SPECC1: variants seen among roughly 807,000 people sequenced by gnomAD.
The protein encoded by SPECC1 is cytospin-B.
In SPECC1, 62 loss-of-function variants were observed where a neutral mutation model predicts 104.1. The ratio of observed to expected loss-of-function variants is 0.60; its 90% CI spans 0.49 to 0.74. The LOEUF is 0.74. SPECC1 is among the 30% of genes least tolerant of loss of function. The pLI is 0.00. For missense variants in SPECC1, 1,306 were observed against 1,310.5 expected (o/e 1.00, Z 0.05); for synonymous variants, 513 against 501.6 (o/e 1.02, Z -0.30).
At chr17:20,291,493 G>A (rs1200630591) in intron 12 of SPECC1, among the ~76,000 whole-genome samples, 1 of 152,166 alleles carries the variant, frequency 6.6e-6, no homozygotes, top group Non-Finnish European at 1.5e-5. Context: ...ATGAGAAAAT[G>A]CACAGTGACA....
Position 20,096,803 on chromosome 17 carries a change from G to A in SPECC1, c.147+5G>A. On this transcript the variant is annotated splice_donor_5th_base_variant and intron_variant, in intron 2 of 14. Transcript: ENST00000395527. Reference sequence around the variant, plus strand: ...TTTGAGTCCCGACTCAGCAGGGTATGGATCAAAATGCACAGGGCCAGGCAG... The same window carrying A: ...TTTGAGTCCCGACTCAGCAGGGTATAGATCAAAATGCACAGGGCCAGGCAG... 6.2e-7 allele frequency: 1 copy of A among 1,611,140 alleles called. No homozygotes were observed. The highest frequency in any genetic ancestry group is 1.1e-5 in the South Asian group (1 of 90,822).
intron 12 of SPECC1, among the ~76,000 whole-genome samples, chr17:20,294,641 GAT>G: frequency 1.6e-5 from 1 of 62,776 alleles, no homozygotes; most frequent in East Asian, 3.0e-3. Flanking sequence ...TGGTGGGGAT[GAT>G]GGTCATGGTT....
chr17:20,229,146 A>C (rs1034613035), intron 5 of SPECC1, among the ~76,000 whole-genome samples: 12 of 152,142 alleles, frequency 7.9e-5, no homozygotes, highest in Non-Finnish European at 1.6e-4. Flanking sequence ...CATACTGTAC[A>C]TGTGTCTTTT....
At chr17:20,313,906 G>C in intron 14 of SPECC1, 70 bp from the exon 15 acceptor site, 2 of 1,444,592 alleles carry the variant, frequency 1.4e-6, no homozygotes, top group Non-Finnish European at 1.9e-6. Context: ...AACCTGGACT[G>C]AAGTCCTTGA....
At chr17:20,019,268 T>A (rs1438938041) in intron 1 of SPECC1, among the ~76,000 whole-genome samples, 1 of 150,442 alleles carries the variant, frequency 6.6e-6, no homozygotes, top group Non-Finnish European at 1.5e-5. Flanking sequence ...TTATTTATTT[T>A]AAAAAGCAGT....
At chr17:20,016,966 T>C (rs759776379) in intron 1 of SPECC1, among the ~76,000 whole-genome samples, 27 of 152,174 alleles carry the variant, frequency 1.8e-4, no homozygotes, top group Non-Finnish European at 3.2e-4. Context: ...TGTGTCTAGC[T>C]CAGGGATTGT....
chr17:20,124,433 G>A (rs931062220), intron 3 of SPECC1, among the ~76,000 whole-genome samples: 1 of 152,138 alleles, frequency 6.6e-6, no homozygotes, highest in Non-Finnish European at 1.5e-5. Context: ...GTTCTGAAGG[G>A]CCCTGAAGAA....
intron 3 of SPECC1, among the ~76,000 whole-genome samples, chr17:20,143,746 G>A (rs1435042617): frequency 6.6e-6 from 1 of 152,244 alleles, no homozygotes; most frequent in South Asian, 2.1e-4. Context: ...CCTTCGTAAC[G>A]ACAAATACCA....
At chr17:20,109,372 T>C (rs1195899504) in intron 2 of SPECC1, among the ~76,000 whole-genome samples, 1 of 152,212 alleles carries the variant, frequency 6.6e-6, no homozygotes, top group East Asian at 1.9e-4. Flanking sequence ...TCTCCAGTCT[T>C]CCGGCACTGT....
intron 7 of SPECC1, among the ~76,000 whole-genome samples, chr17:20,236,674 T>TTA (rs397770045): frequency 6.6e-5 from 10 of 150,822 alleles, no homozygotes; most frequent in East Asian, 2.0e-4. Context: ...TTTTTTTTTT[T>TTA]ATGTCTGAAA....
intron 3 of SPECC1, among the ~76,000 whole-genome samples, chr17:20,179,381 T>TG (rs1415842368): frequency 6.6e-6 from 1 of 152,258 alleles, no homozygotes; most frequent in Non-Finnish European, 1.5e-5. Flanking sequence ...TCATAGTCCT[T>TG]GCTTTGCAGC....
At chr17:20,104,586 T>C (rs2048096368) in intron 2 of SPECC1, among the ~76,000 whole-genome samples, 1 of 151,258 alleles carries the variant, frequency 6.6e-6, no homozygotes, top group South Asian at 2.1e-4. Flanking sequence ...CTACTAAAAA[T>C]ACAAAAATTA....
At chr17:20,185,677 C>T (rs1382963428) in intron 3 of SPECC1, among the ~76,000 whole-genome samples, 3 of 152,164 alleles carry the variant, frequency 2.0e-5, no homozygotes, top group Non-Finnish European at 2.9e-5. Context: ...TAAACAGCAG[C>T]GACTCTGTGA....
chr17:20,136,757 C>T (rs981617813), intron 3 of SPECC1, among the ~76,000 whole-genome samples: 15 of 152,182 alleles, frequency 9.9e-5, no homozygotes, highest in African/African-American at 3.6e-4. Flanking sequence ...GGAAATCATT[C>T]CTATCATTCC....
chr17:20,096,729 T>C lies in SPECC1; in HGVS notation c.78T>C (p.Pro26=). ...GCCCAGACCGGGTGCGGCCTCTGCC[T>C]GCAGCCTCTTCCGGCATGAAGAGTT... is the stretch of plus-strand genomic sequence containing the variant. The part of the protein sequence containing the change: ...GHGPDRVRPL[P]AASSGMKSSK... The change falls in exon 2 of 15, where the codon CCT becomes CCC. Residue 26 remains proline (P), a synonymous_variant. Transcript: ENST00000395527. 1 of 1,614,260 alleles carries C rather than the reference T, an allele frequency of 6.2e-7. No individual in the cohort carries two copies. The highest frequency in any genetic ancestry group is 1.1e-5 in the South Asian group (1 of 91,090).
At chr17:20,253,293 CTCT>C (rs2039700590) in intron 9 of SPECC1, among the ~76,000 whole-genome samples, 1 of 152,166 alleles carries the variant, frequency 6.6e-6, no homozygotes, top group African/African-American at 2.4e-5. Flanking sequence ...AGGAGACTTT[CTCT>C]TCATTATTTG....
intron 1 of SPECC1, among the ~76,000 whole-genome samples, chr17:20,085,841 G>A (rs1454187916): frequency 6.6e-6 from 1 of 152,232 alleles, no homozygotes; most frequent in African/African-American, 2.4e-5. Context: ...CTGTTCAGTG[G>A]AGGGGATATC....
chr17:20,236,328 C>G (rs1441436252), intron 7 of SPECC1, among the ~76,000 whole-genome samples: 2 of 152,146 alleles, frequency 1.3e-5, no homozygotes, highest in African/African-American at 4.8e-5. Context: ...TCACCTAGTA[C>G]TCTTTTTTTC....
chr17:20,172,118 G>T (rs1189798339), intron 3 of SPECC1, among the ~76,000 whole-genome samples: 2 of 152,340 alleles, frequency 1.3e-5, no homozygotes, highest in Admixed American at 6.5e-5. Context: ...CACTGCACAA[G>T]CATGTGGTCA....
Sources: allele counts gnomAD v4.1 joint callset (sites outside exome capture counted in the v4.1 genomes callset), GRCh38; gene constraint gnomAD v4.1.1; transcripts MANE v1.5; gene names NCBI Gene and HGNC (gene_info 2026-07-23, HGNC 2026-07-21).